Variants in JAK1 observed in about 807,000 individuals in gnomAD.
JAK1 encodes Janus kinase 1.
In JAK1, 16 loss-of-function variants were observed where a neutral mutation model predicts 136.6. That is an observed-to-expected ratio of 0.12 (90% CI 0.08 to 0.18). The LOEUF (loss-of-function observed/expected upper bound fraction) is 0.18, where lower values mean the gene tolerates loss of function less well. Among genes scored for constraint, JAK1 ranks in the 10% least tolerant of loss-of-function variants. The pLI is 1.00. For missense variants in JAK1, 859 were observed against 1,450.1 expected, an observed-to-expected ratio of 0.59 and a Z score of 6.62; for synonymous variants, 492 against 519.5, an observed-to-expected ratio of 0.95 and a Z score of 0.72.
At chr1:64,860,862 T>TGTGTGTGTGTG in intron 8 of JAK1, among the ~76,000 whole-genome samples, 6 of 79,892 alleles carry the variant, frequency 7.5e-5, no homozygotes, top group Non-Finnish European at 1.3e-4. Context: ...GTGTGTGTGT[T>TGTGTGTGTGTG]GGGGGTGACG....
rs1286057175 is a variant in JAK1 at position 64,857,828 on chromosome 1, C to T, written c.1335-49G>A. On this transcript the variant is annotated intron_variant, in intron 9 of 24. Transcript: ENST00000342505. ...GAGAAAGAGCTCACACCAAACAGGA[C>T]TTTGAACCTCTGGGCTATCCACTCT... 2.5e-6 allele frequency: 4 copies of T among 1,607,120 alleles called. No individual in the cohort carries two copies. The South Asian group carries it at 4.4e-5, about 18-fold the overall frequency.
chr1:64,944,130 G>A (rs566907371), intron 1 of JAK1, among the ~76,000 whole-genome samples: 1 of 149,216 alleles, frequency 6.7e-6, no homozygotes, highest in Non-Finnish European at 1.5e-5. Flanking sequence ...GCTGAGGCAG[G>A]AGAATGGCAT....
At chr1:65,057,992 T>C (rs1221976019) in intron 1 of JAK1, 1 of 154,494 alleles carries the variant, frequency 6.5e-6, no homozygotes, top group Non-Finnish European at 1.4e-5. Context: ...GGACTTTTAT[T>C]TATGCAACAA....
intron 1 of JAK1, chr1:64,918,335 T>C (rs1337402706): frequency 1.3e-5 from 2 of 152,222 alleles, no homozygotes; most frequent in Non-Finnish European, 2.9e-5. Context: ...AGACCCTAAG[T>C]AGATACTCAT....
intron 1 of JAK1, among the ~76,000 whole-genome samples, chr1:64,931,413 G>A (rs1645689825): frequency 6.6e-6 from 1 of 152,046 alleles, no homozygotes; most frequent in Non-Finnish European, 1.5e-5. Context: ...TGGGCAGGTG[G>A]TAGCTGTCCA....
chr1:65,052,993 T>C (rs1647353101), intron 1 of JAK1, among the ~76,000 whole-genome samples: 1 of 131,954 alleles, frequency 7.6e-6, no homozygotes, highest in Admixed American at 8.5e-5. Context: ...ATCACGCCAT[T>C]GCACTCCAGC....
chr1:64,866,390 T>C (rs574512950), intron 7 of JAK1, among the ~76,000 whole-genome samples: 1 of 152,312 alleles, frequency 6.6e-6, no homozygotes, highest in South Asian at 2.1e-4. Context: ...GCAAAATCAA[T>C]TAGTCAATTT....
chr1:65,010,690 A>T (rs1216340890), intron 2 of JAK1, among the ~76,000 whole-genome samples: 1 of 152,244 alleles, frequency 6.6e-6, no homozygotes, highest in Non-Finnish European at 1.5e-5. Flanking sequence ...TTTATTTAAA[A>T]AAATAGGTGG....
intron 9 of JAK1, among the ~76,000 whole-genome samples, chr1:64,859,274 C>T (rs775631596): frequency 2.2e-4 from 34 of 152,206 alleles, no homozygotes; most frequent in Non-Finnish European, 4.9e-4. Context: ...GCCTGAAGGG[C>T]TGTCATATGT....
chr1:65,047,676 G>A (rs190480474), intron 1 of JAK1, among the ~76,000 whole-genome samples: 36 of 151,502 alleles, frequency 2.4e-4, no homozygotes, highest in African/African-American at 5.1e-4. Context: ...CCGAGATCAC[G>A]CCACTGCACT....
intron 1 of JAK1, among the ~76,000 whole-genome samples, chr1:64,919,587 G>A (rs965913319): frequency 2.0e-5 from 3 of 152,076 alleles, no homozygotes; most frequent in Admixed American, 6.5e-5. Context: ...CTGAGGAATC[G>A]CCACACTGTC....
intron 1 of JAK1, among the ~76,000 whole-genome samples, chr1:65,055,755 C>A (rs761010632): frequency 6.6e-6 from 1 of 152,180 alleles, no homozygotes; most frequent in Non-Finnish European, 1.5e-5. Context: ...TCCAGGCAAG[C>A]TTCTGGAGCT....
chr1:64,835,438 T>C lies in JAK1; in HGVS notation c.3327A>G (p.Lys1109=), dbSNP rs761277639. The change falls in exon 24 of 25, where the codon AAA becomes AAG. Residue 1109 remains lysine, a synonymous_variant. Coordinates refer to ENST00000342505, the MANE Select transcript of JAK1 (RefSeq NM_002227.4). Reference sequence around the variant, plus strand: ...GTGGGCACGGCAGGCGTTTTCCTTCTTTTAACGTATTCACAAGTCTTGTGA... The same window carrying C: ...GTGGGCACGGCAGGCGTTTTCCTTCCTTTAACGTATTCACAAGTCTTGTGA... ...MTVTRLVNTL[K]EGKRLPCPPN... 6.2e-7 allele frequency: 1 copy of C among 1,610,250 alleles called. No individual in the cohort carries two copies. Among genetic ancestry groups the C allele is most frequent in the South Asian group, 1.1e-5 (1 of 90,522 alleles).
At chr1:65,029,469 A>G (rs1012210034) in intron 2 of JAK1, among the ~76,000 whole-genome samples, 1 of 152,208 alleles carries the variant, frequency 6.6e-6, no homozygotes, top group Non-Finnish European at 1.5e-5. Context: ...CTGGGTATAT[A>G]CCCAAAGGAA....
intron 1 of JAK1, among the ~76,000 whole-genome samples, chr1:64,910,573 C>T (rs969990396): frequency 6.6e-6 from 1 of 152,128 alleles, no homozygotes; most frequent in African/African-American, 2.4e-5. Context: ...GTGGCTCACG[C>T]CTGGAATCCC....
At chr1:65,001,912 C>T (rs1478263293) in intron 2 of JAK1, among the ~76,000 whole-genome samples, 1 of 152,012 alleles carries the variant, frequency 6.6e-6, no homozygotes, top group Non-Finnish European at 1.5e-5. Context: ...AATGACTGCG[C>T]AGGTCTCCTG....
chr1:64,836,097 C>G lies in JAK1; in HGVS notation c.3258+1G>C. The G allele has an allele frequency of 6.5e-7, 1 of 1,543,956 alleles. No individual in the cohort carries two copies. The stretch of plus-strand genomic sequence containing the variant: ...CAAATGAAGAGAAAAGTAGGACTTA[C>G]AGCCATGGGACTAGAATCTGAATCA... On this transcript the variant is annotated splice_donor_variant, in intron 23 of 24. Transcript: ENST00000342505. LOFTEE classifies it high-confidence loss of function.
At chr1:64,956,770 C>G (rs1241997667) in intron 1 of JAK1, among the ~76,000 whole-genome samples, 1 of 152,192 alleles carries the variant, frequency 6.6e-6, no homozygotes. Flanking sequence ...AAAGGGACAA[C>G]TGGAGCTCAG....
At position 64,857,793 on chromosome 1, in the gene JAK1, T is replaced by C. The variant is rs544050621; in HGVS notation, c.1335-14A>G. 479 of 1,613,952 alleles carry C rather than the reference T, an allele frequency of 3.0e-4. 5 individuals are homozygous for C. The South Asian group carries it at 4.8e-3, about 16-fold the overall frequency. Reference sequence around the variant, plus strand: ...GCGTATTCTGTACTAGAGGGAGAAGTAGGCAAAGGGAGAAAGAGCTCACAC... The same window carrying C: ...GCGTATTCTGTACTAGAGGGAGAAGCAGGCAAAGGGAGAAAGAGCTCACAC... On this transcript the variant is annotated splice_polypyrimidine_tract_variant and intron_variant, in intron 9 of 24. Transcript: ENST00000342505.
Sources: allele counts gnomAD v4.1 joint callset (sites outside exome capture counted in the v4.1 genomes callset), GRCh38; gene constraint gnomAD v4.1.1; transcripts MANE v1.5; gene names NCBI Gene and HGNC (gene_info 2026-07-23, HGNC 2026-07-21).